Variants in CDH20 observed in about 807,000 individuals in gnomAD.
The protein encoded by CDH20 is cadherin-20.
CDH20 carries 29 observed loss-of-function variants against 74.2 expected under a neutral mutation model. The ratio of observed to expected loss-of-function variants is 0.39; its 90% CI spans 0.29 to 0.53. The LOEUF is 0.53. Among genes scored for constraint, CDH20 ranks in the 20% least tolerant of loss-of-function variants. The probability of loss-of-function intolerance (pLI) is 0.69; values close to 1 mark genes in which losing one functional copy is unlikely to be tolerated. For missense variants in CDH20, 988 were observed against 1,048.3 expected, an observed-to-expected ratio of 0.94 and a Z score of 0.79; for synonymous variants, 469 against 405.4, an observed-to-expected ratio of 1.16 and a Z score of -1.88.
intron 8 of CDH20, among the ~76,000 whole-genome samples, chr18:61,538,584 G>GTTTTT (rs1568182044): frequency 3.4e-4 from 19 of 55,816 alleles, no homozygotes; most frequent in Non-Finnish European, 4.9e-4. Flanking sequence ...ACTACTTTTT[G>GTTTTT]TTTGTTTGTT....
intron 6 of CDH20, among the ~76,000 whole-genome samples, chr18:61,520,577 G>C (rs1912169622): frequency 7.1e-6 from 1 of 141,414 alleles, no homozygotes; most frequent in South Asian, 2.3e-4. Context: ...CTCAGCTCTG[G>C]ACCAAGCAGA....
intron 6 of CDH20, among the ~76,000 whole-genome samples, chr18:61,520,889 C>G (rs553060996): frequency 6.6e-6 from 1 of 150,560 alleles, no homozygotes; most frequent in African/African-American, 2.5e-5. Context: ...GAAACCAGAA[C>G]AACATACCAG....
chr18:61,419,520 C>A (rs1912804946), intron 1 of CDH20, among the ~76,000 whole-genome samples: 1 of 152,188 alleles, frequency 6.6e-6, no homozygotes, highest in Admixed American at 6.6e-5. Flanking sequence ...TACAACCATG[C>A]AATTTTATAC....
chr18:61,450,509 T>C (rs897663679), intron 1 of CDH20, among the ~76,000 whole-genome samples: 1 of 152,060 alleles, frequency 6.6e-6, no homozygotes, highest in South Asian at 2.1e-4. Context: ...GCTCCTTTTC[T>C]AGAACATTCT....
At chr18:61,501,910 G>A (rs767008732) in intron 4 of CDH20, among the ~76,000 whole-genome samples, 3 of 152,090 alleles carry the variant, frequency 2.0e-5, no homozygotes, top group Non-Finnish European at 4.4e-5. Context: ...TAGTGTTAAG[G>A]TCAAAAATAC....
At chr18:61,528,460 C>T (rs1234126411) in intron 7 of CDH20, among the ~76,000 whole-genome samples, 15 of 151,366 alleles carry the variant, frequency 9.9e-5, no homozygotes, top group Non-Finnish European at 1.6e-4. Flanking sequence ...CACACACACA[C>T]ACACACACAC....
chr18:61,423,235 G>A (rs1379920739), intron 1 of CDH20, among the ~76,000 whole-genome samples: 1 of 152,194 alleles, frequency 6.6e-6, no homozygotes, highest in African/African-American at 2.4e-5. Context: ...ACAGAGCACA[G>A]GGATAAGGAT....
intron 1 of CDH20, among the ~76,000 whole-genome samples, chr18:61,429,803 CCAGATAAA>C (rs1447209241): frequency 1.3e-5 from 2 of 152,158 alleles, no homozygotes; most frequent in African/African-American, 4.8e-5. Context: ...TCATCCCTTC[CCAGATAAA>C]CAGTGATGGT....
intron 1 of CDH20, among the ~76,000 whole-genome samples, chr18:61,440,113 T>C (rs1432034136): frequency 7.9e-5 from 12 of 152,206 alleles, no homozygotes; most frequent in African/African-American, 2.9e-4. Context: ...TTAATACAGT[T>C]ACACCTCACT....
At chr18:61,494,434 A>G (rs1480889916) in intron 2 of CDH20, among the ~76,000 whole-genome samples, 1 of 152,212 alleles carries the variant, frequency 6.6e-6, no homozygotes, top group African/African-American at 2.4e-5. Flanking sequence ...CTCAACAGTC[A>G]TCTGATCCAA....
intron 1 of CDH20, among the ~76,000 whole-genome samples, chr18:61,447,551 G>A (rs180980348): frequency 6.6e-6 from 1 of 152,290 alleles, no homozygotes; most frequent in African/African-American, 2.4e-5. Flanking sequence ...AGATGTTAGA[G>A]AATTTCAGGA....
At chr18:61,339,528 T>C (rs1909868576) in intron 1 of CDH20, among the ~76,000 whole-genome samples, 1 of 152,070 alleles carries the variant, frequency 6.6e-6, no homozygotes. Context: ...CAGTGTCTAC[T>C]CTTTCCATCT....
In CDH20 at chr18:61,496,248, C is replaced by T. The variant is rs560633963; in HGVS notation, c.247-2938C>T. On this transcript the variant is annotated intron_variant, in intron 2 of 11. Coordinates refer to ENST00000262717, the MANE Select transcript of CDH20 (RefSeq NM_031891.4). ...CCTTTCCCTTTCCCCCCTTTCTCCCCGCCTTCTCCCTTCCTCTCCCTTCCT... is the reference window on the plus strand; with the variant it reads ...CCTTTCCCTTTCCCCCCTTTCTCCCTGCCTTCTCCCTTCCTCTCCCTTCCT... Among the ~76,000 whole-genome samples the T allele has an allele frequency of 7.2e-4, 81 of 112,714 alleles. 1 individual carries two copies. The highest frequency in any genetic ancestry group is 1.2e-3 in the Non-Finnish European group (63 of 53,640). The allele number at this position is 112,714 out of a possible 152,430, so 73.9% of individuals were successfully genotyped here.
At chr18:61,417,145 G>T (rs564800317) in intron 1 of CDH20, among the ~76,000 whole-genome samples, 1 of 152,102 alleles carries the variant, frequency 6.6e-6, no homozygotes, top group Admixed American at 6.5e-5. Flanking sequence ...ATGACCAGTG[G>T]TATGGAGCTT....
At position 61,554,244 on chromosome 18, in the gene CDH20, T is replaced by G; in HGVS notation, c.1955T>G (p.Ile652Ser). The change falls in exon 12 of 12, where the codon ATC becomes AGC. Residue 652 changes from isoleucine (I) to serine (S), a missense_variant. Physicochemically the swap from Ile to Ser is moderately radical, Grantham distance 142. Transcript: ENST00000262717. Reference sequence around the variant, plus strand: ...CGGCACCGGAAACAACCATACATCATCGACGACGAGGAAAACATCCACGAG... The same window carrying G: ...CGGCACCGGAAACAACCATACATCAGCGACGACGAGGAAAACATCCACGAG... ...MRRHRKQPYI[I>S]DDEENIHENI... 6.2e-7 allele frequency: 1 copy of G among 1,613,942 alleles called. No homozygotes were observed. Among genetic ancestry groups the G allele is most frequent in the Non-Finnish European group, 8.5e-7 (1 of 1,179,972 alleles).
chr18:61,499,819 G>A (rs982048576), intron 3 of CDH20, among the ~76,000 whole-genome samples: 1 of 152,124 alleles, frequency 6.6e-6, no homozygotes, highest in Admixed American at 6.5e-5. Flanking sequence ...ATAGGGTTAG[G>A]CGCGGTGGCT....
At chr18:61,447,642 G>T (rs1335987805) in intron 1 of CDH20, among the ~76,000 whole-genome samples, 1 of 152,230 alleles carries the variant, frequency 6.6e-6, no homozygotes, top group Admixed American at 6.5e-5. Flanking sequence ...TGAAAAGGGT[G>T]AGTAAAGTCT....
intron 6 of CDH20, among the ~76,000 whole-genome samples, chr18:61,524,750 G>A (rs1234943967): frequency 6.6e-5 from 10 of 152,052 alleles, no homozygotes; most frequent in African/African-American, 2.2e-4. Flanking sequence ...GTGAAACCCC[G>A]CCTCTACTGA....
chr18:61,424,988 AT>A (rs989673268), intron 1 of CDH20, among the ~76,000 whole-genome samples: 2 of 147,280 alleles, frequency 1.4e-5, no homozygotes, highest in African/African-American at 5.0e-5. Flanking sequence ...TGGGTTCTTT[AT>A]TTTTTTCTCC....
Sources: gnomAD v4.1 joint callset for allele counts (sites outside exome capture counted in the v4.1 genomes callset) on GRCh38, gnomAD v4.1.1 for gene constraint, MANE v1.5 for transcripts, NCBI Gene and HGNC (gene_info 2026-07-23, HGNC 2026-07-21) for gene names.